Variants in PEX19 observed in about 807,000 individuals in gnomAD.
PEX19 encodes the protein 33 kDa housekeeping protein.
Under a neutral mutation model 36.3 loss-of-function variants are expected in PEX19, and 29 were observed. The ratio of observed to expected loss-of-function variants is 0.80; its 90% CI spans 0.60 to 1.09. PEX19 has a LOEUF of 1.09. PEX19 is among the 50% of genes least tolerant of loss of function. The pLI is 0.00. For missense variants in PEX19, 396 were observed against 368.1 expected, an observed-to-expected ratio of 1.08 and a Z score of -0.62; for synonymous variants, 141 against 135.2, an observed-to-expected ratio of 1.04 and a Z score of -0.30.
At position 160,282,053 on chromosome 1, in the gene PEX19, C is replaced by T. The variant is rs761071222; in HGVS notation, c.580G>A (p.Glu194Lys). Residue 194 changes from glutamate (E) to lysine (K), a missense_variant, in exon 5 of 8, where the codon GAG (glutamate) becomes AAG (lysine). By Grantham distance (56) the Glu-to-Lys change is moderately conservative. Coordinates refer to ENST00000368072, the MANE Select transcript of PEX19 (RefSeq NM_002857.4). ...AGTTCACAAACCTTTTCTGTGATCT[C>T]CTTCAGTGATGGGTACAGCACATCC... The part of the protein sequence containing the change: ...SKDVLYPSLK[E>K]ITEKYPEWLQ... 6.2e-7 allele frequency: 1 copy of T among 1,614,038 alleles called. No individual in the cohort carries two copies. Among genetic ancestry groups the T allele is most frequent in the Non-Finnish European group, 8.5e-7 (1 of 1,179,928 alleles).
At position 160,280,155 on chromosome 1, in the gene PEX19, CA is replaced by C; in HGVS notation, c.685del (p.Cys229ValfsTer33). Reference sequence around the variant, plus strand: ...GGGGGTCTCTGCCTCAAACTGCTCACATATTTTGCACATGACGCTGTGCTGC... The same window carrying C: ...GGGGGTCTCTGCCTCAAACTGCTCACTATTTTGCACATGACGCTGTGCTGC... Reference protein sequence around the residue: ...QEQHSVMCKICEQFEAETPTD... With the variant: ...QEQHSVMCKIXEQFEAETPTD... On this transcript the variant is annotated frameshift_variant, in exon 6 of 8. Transcript: ENST00000368072. LOFTEE classifies it high-confidence loss of function. The C allele has an allele frequency of 6.2e-7, 1 of 1,613,980 alleles. No individual in the cohort carries two copies.
rs146321212 is a variant in PEX19 at position 160,282,452 on chromosome 1, G to C, written c.397C>G (p.Leu133Val). Residue 133 changes from leucine (L) to valine (V), a missense_variant, in exon 4 of 8, where the codon CTA becomes GTA. Coordinates refer to ENST00000368072, the MANE Select transcript of PEX19 (RefSeq NM_002857.4). ...GTGGCATTTTTGGCTAATCCACTTA[G>C]TGTTTCCTTTAGGCAAGAAGTGAAT... is the stretch of plus-strand genomic sequence containing the variant. Reference protein sequence around the residue: ...QEFTSCLKETLSGLAKNATDL... With the variant: ...QEFTSCLKETVSGLAKNATDL... 3 of 1,614,126 alleles carry C rather than the reference G, an allele frequency of 1.9e-6. No homozygotes were observed. The highest frequency in any genetic ancestry group is 2.5e-6 in the Non-Finnish European group (3 of 1,179,992).
At position 160,278,827 on chromosome 1, in the gene PEX19, T is replaced by G. The variant is rs1657641602; in HGVS notation, c.*724A>C. On this transcript the variant is annotated 3_prime_UTR_variant, in exon 8 of 8. Transcript: ENST00000368072. ...AAAAGAGAGGAGGTAAAAGGGAGGA[T>G]GGGCAGGGGATAGAGGAAGGTCAGG... is the stretch of plus-strand genomic sequence containing the variant. The G allele has an allele frequency of 2.2e-6, 1 of 453,652 alleles. No individual in the cohort carries two copies. The highest frequency in any genetic ancestry group is 1.6e-5 in the South Asian group (1 of 64,456). 28.1% of individuals were successfully genotyped at this position (453,652 alleles called of 1,614,324 possible). A position where few individuals can be genotyped will look rare whatever the true frequency, so the allele number is the denominator to read the frequency against.
intron 2 of PEX19, 103 bp downstream of exon 2, chr1:160,283,427 G>A (rs1571139377): frequency 2.5e-6 from 2 of 813,152 alleles, no homozygotes; most frequent in East Asian, 5.1e-5. Context: ...TGAGGCCAAG[G>A]TACCCTCCCA....
At chr1:160,279,923 G>A in intron 6 of PEX19, 78 bp from the exon 7 acceptor site, 1 of 1,383,074 alleles carries the variant, frequency 7.2e-7, no homozygotes, top group Non-Finnish European at 1.0e-6. Flanking sequence ...GGAATCTAAT[G>A]AATGATCTCT....
At chr1:160,279,941 T>C in intron 6 of PEX19, 96 bp from the exon 7 acceptor site, 1 of 1,371,824 alleles carries the variant, frequency 7.3e-7, no homozygotes, top group Non-Finnish European at 1.0e-6. Flanking sequence ...TCTCTATTTC[T>C]TCTGAGAGAG....
chr1:160,282,452 G>A lies in PEX19; in HGVS notation c.397C>T (p.Leu133=), dbSNP rs146321212. 3 of 1,614,008 alleles carry A rather than the reference G, an allele frequency of 1.9e-6. No individual in the cohort carries two copies. In the African/African-American group the frequency reaches 4.0e-5, roughly 22 times the overall value. ...GTGGCATTTTTGGCTAATCCACTTA[G>A]TGTTTCCTTTAGGCAAGAAGTGAAT... The part of the protein sequence containing the change: ...QEFTSCLKET[L]SGLAKNATDL... The change falls in exon 4 of 8, where the codon CTA becomes TTA. Residue 133 remains leucine (L), a synonymous_variant. Transcript: ENST00000368072.
At position 160,277,420 on chromosome 1, in the gene PEX19, G is replaced by C. The variant is rs1400654192; in HGVS notation, c.*2131C>G. The C allele has an allele frequency of 2.2e-6, 1 of 455,982 alleles. No homozygotes were observed. The highest frequency in any genetic ancestry group is 2.0e-5 in the African/African-American group (1 of 50,074). 28.2% of individuals were successfully genotyped at this position (455,982 alleles called of 1,614,324 possible). A position where few individuals can be genotyped will look rare whatever the true frequency, so the allele number is the denominator to read the frequency against. On this transcript the variant is annotated 3_prime_UTR_variant, in exon 8 of 8. Transcript: ENST00000368072. ...GGGCAATAGGAATGCATATTGATAA[G>C]TGAAGGACTGGAAAACAAAAAACCT...
Position 160,285,107 on chromosome 1 carries a change from T to C in PEX19, c.18A>G (p.Glu6=), listed in dbSNP as rs761861882. Residue 6 remains glutamate, a synonymous_variant, in exon 1 of 8, where the codon GAA becomes GAG. Transcript: ENST00000368072. The stretch of plus-strand genomic sequence containing the variant: ...CCGCTTCGGCCCCGACACTACAGCC[T>C]TCCTCAGCGGCGGCCATCTTGCTAC... MAAAE[E]GCSVGAEADR... 4 of 1,613,938 alleles carry C rather than the reference T, an allele frequency of 2.5e-6. No individual in the cohort carries two copies. Among genetic ancestry groups the C allele is most frequent in the African/African-American group, 1.3e-5 (1 of 75,044 alleles).
chr1:160,277,503 C>T lies in PEX19; in HGVS notation c.*2048G>A, dbSNP rs1279724811. ...GCCCTAGAGTACCATAACTCCACCA[C>T]AAGTCCTGGAATAATTCCAAAAGTT... On this transcript the variant is annotated 3_prime_UTR_variant, in exon 8 of 8. Coordinates refer to ENST00000368072, the MANE Select transcript of PEX19 (RefSeq NM_002857.4). 1.1e-5 allele frequency: 5 copies of T among 455,676 alleles called. No homozygotes were observed. Among genetic ancestry groups the T allele is most frequent in the Non-Finnish European group, 2.2e-5 (5 of 226,810 alleles). The allele number at this position is 455,676 out of a possible 1,614,324, so 28.2% of individuals were successfully genotyped here. A position where few individuals can be genotyped will look rare whatever the true frequency, so the allele number is the denominator to read the frequency against.
chr1:160,282,515 A>C lies in PEX19; in HGVS notation c.347-13T>G, dbSNP rs371091340. The C allele has an allele frequency of 6.2e-7, 1 of 1,603,676 alleles. No homozygotes were observed. The highest frequency in any genetic ancestry group is 1.3e-5 in the African/African-American group (1 of 74,818). On this transcript the variant is annotated splice_polypyrimidine_tract_variant and intron_variant, in intron 3 of 7. Coordinates refer to ENST00000368072, the MANE Select transcript of PEX19 (RefSeq NM_002857.4). ...GTCATATCACTGCCTAGGAGAGATT[A>C]AAAAAGCCAGCGTCATTTAGGAGTT...
In PEX19 at chr1:160,281,848, C is replaced by T. The variant is rs772879143; in HGVS notation, c.594+191G>A. On this transcript the variant is annotated intron_variant, in intron 5 of 7. Coordinates refer to ENST00000368072, the MANE Select transcript of PEX19 (RefSeq NM_002857.4). ...TTATACCTCTTATACCCCAACATACCGTGTGACAGCTTTATTCTCTCAGAG... is the reference window on the plus strand; with the variant it reads ...TTATACCTCTTATACCCCAACATACTGTGTGACAGCTTTATTCTCTCAGAG... Among the ~76,000 whole-genome samples the T allele has an allele frequency of 5.3e-5, 8 of 152,234 alleles. No individual in the cohort carries two copies. In the South Asian group the frequency reaches 6.2e-4, roughly 12 times the overall value.
At position 160,278,045 on chromosome 1, in the gene PEX19, G is replaced by T; in HGVS notation, c.*1506C>A. On this transcript the variant is annotated 3_prime_UTR_variant, in exon 8 of 8. Coordinates refer to ENST00000368072, the MANE Select transcript of PEX19 (RefSeq NM_002857.4). ...AAGTGACATGTCAGAAGCTCAAAGC[G>T]ACTCATAATGCATGTGAATTTGCTT... The T allele has an allele frequency of 2.8e-6, 2 of 701,860 alleles. No individual in the cohort carries two copies. The highest frequency in any genetic ancestry group is 3.0e-5 in the South Asian group (2 of 67,454). The allele number at this position is 701,860 out of a possible 1,614,324, so 43.5% of individuals were successfully genotyped here.
At chr1:160,282,861 CT>C (rs1171136248) in intron 3 of PEX19, 82 bp downstream of exon 3, 3 of 1,446,764 alleles carry the variant, frequency 2.1e-6, no homozygotes, top group Non-Finnish European at 2.9e-6. Flanking sequence ...TTGCTATCAA[CT>C]TCACTAAGAA....
Position 160,285,129 on chromosome 1 carries a change from C to T in PEX19, c.-5G>A. On this transcript the variant is annotated 5_prime_UTR_variant, in exon 1 of 8. Coordinates refer to ENST00000368072, the MANE Select transcript of PEX19 (RefSeq NM_002857.4). ...GCCTTCCTCAGCGGCGGCCATCTTG[C>T]TACCTCCGACTTGCCGTAGGAGGCG... 6.2e-7 allele frequency: 1 copy of T among 1,612,374 alleles called. No homozygotes were observed. The highest frequency in any genetic ancestry group is 8.5e-7 in the Non-Finnish European group (1 of 1,178,522).
chr1:160,282,841 G>T, intron 3 of PEX19, 103 bp downstream of exon 3: 1 of 1,252,294 alleles, frequency 8.0e-7, no homozygotes, highest in Non-Finnish European at 1.2e-6. Context: ...CCTTGGCTGT[G>T]ACATCATGAT....
rs1571139788 is a variant in PEX19, at chr1:160,283,713, C to T, written c.71-74G>A. On this transcript the variant is annotated intron_variant, in intron 1 of 7. Coordinates refer to ENST00000368072, the MANE Select transcript of PEX19 (RefSeq NM_002857.4). Reference sequence around the variant, plus strand: ...CAAGCAAGGCTGGGTGGTTTCTGGGCAAAGCATTAGGAATATGATTTTTCA... The same window carrying T: ...CAAGCAAGGCTGGGTGGTTTCTGGGTAAAGCATTAGGAATATGATTTTTCA... The T allele has an allele frequency of 1.6e-5, 19 of 1,176,688 alleles. No homozygotes were observed. In the East Asian group the frequency reaches 4.2e-4, roughly 26 times the overall value. The allele number at this position is 1,176,688 out of a possible 1,614,324, so 72.9% of individuals were successfully genotyped here.
chr1:160,281,983 C>T, intron 5 of PEX19, 56 bp downstream of exon 5: 1 of 1,471,204 alleles, frequency 6.8e-7, no homozygotes, highest in Non-Finnish European at 9.5e-7. Flanking sequence ...AAATAGCCCA[C>T]ATCAGTTGAT....
Position 160,285,115 on chromosome 1 carries a change from C to A in PEX19, c.10G>T (p.Ala4Ser), listed in dbSNP as rs1436027867. Residue 4 changes from alanine (A) to serine (S), a missense_variant, in exon 1 of 8, where the codon GCT becomes TCT. By Grantham distance (99) the Ala-to-Ser change is moderately conservative (BLOSUM62 1). Transcript: ENST00000368072. The stretch of plus-strand genomic sequence containing the variant: ...GCCCCGACACTACAGCCTTCCTCAG[C>A]GGCGGCCATCTTGCTACCTCCGACT... MAA[A>S]EEGCSVGAEA... 6.2e-7 allele frequency: 1 copy of A among 1,613,712 alleles called. No individual in the cohort carries two copies. The highest frequency in any genetic ancestry group is 2.2e-5 in the East Asian group (1 of 44,888).
Sources: allele counts gnomAD v4.1 joint callset (sites outside exome capture counted in the v4.1 genomes callset), GRCh38; gene constraint gnomAD v4.1.1; transcripts MANE v1.5; gene names NCBI Gene and HGNC (gene_info 2026-07-23, HGNC 2026-07-21).